Variants in SCYL1 observed in about 807,000 individuals in gnomAD.
The protein encoded by SCYL1 is N-terminal kinase-like protein.
In SCYL1, 85 loss-of-function variants were observed where a neutral mutation model predicts 94.8. The observed-to-expected ratio is 0.90, with a 90% CI of 0.75 to 1.07. The LOEUF is 1.07. Among genes scored for constraint, SCYL1 ranks in the 50% least tolerant of loss-of-function variants. The pLI, the probability that SCYL1 is intolerant of heterozygous loss-of-function variation, is 0.00. For missense variants in SCYL1, 968 were observed against 1,083.3 expected (o/e 0.89, Z 1.49); for synonymous variants, 459 against 435.5 (o/e 1.05, Z -0.67).
chr11:65,525,345 C>T, intron 1 of SCYL1, 81 bp downstream of exon 1: 4 of 1,171,814 alleles, frequency 3.4e-6, no homozygotes, highest in Non-Finnish European at 4.6e-6. Flanking sequence ...GCGTTGCGCC[C>T]GGCCTGACGT....
At chr11:65,536,488 A>G in intron 12 of SCYL1, 98 bp from the exon 13 acceptor site, 4 of 1,466,246 alleles carry the variant, frequency 2.7e-6, no homozygotes, top group Non-Finnish European at 3.8e-6. Flanking sequence ...GCCTGGAGAA[A>G]GGAGGGGTGG....
Position 65,537,888 on chromosome 11 carries a change from G to A in SCYL1, c.2031+8G>A. On this transcript the variant is annotated splice_region_variant and intron_variant, in intron 15 of 17. Transcript: ENST00000270176. ...GTGAGCCGTGCTAGTCAGGTGAGCT[G>A]GGTCTGGTGGGGAGGTGTGTGTATG... The A allele has an allele frequency of 6.3e-7, 1 of 1,578,100 alleles. No homozygotes were observed. Among genetic ancestry groups the A allele is most frequent in the South Asian group, 1.2e-5 (1 of 86,252 alleles).
Position 65,536,251 on chromosome 11 carries a change from C to A in SCYL1, c.1576-8C>A, listed in dbSNP as rs745775906. 6.2e-7 allele frequency: 1 copy of A among 1,613,458 alleles called. No homozygotes were observed. Among genetic ancestry groups the A allele is most frequent in the South Asian group, 1.1e-5 (1 of 91,068 alleles). ...CAGAGACCCCAGCTCTGCCTCGTTA[C>A]CCCACAGGCCTTCAAGGCCATTCGG... On this transcript the variant is annotated splice_region_variant and splice_polypyrimidine_tract_variant and intron_variant, in intron 11 of 17. Transcript: ENST00000270176.
At chr11:65,534,179 C>T (rs567532805) in intron 9 of SCYL1, among the ~76,000 whole-genome samples, 71 of 148,824 alleles carry the variant, frequency 4.8e-4, no homozygotes, top group African/African-American at 1.7e-3. Context: ...TGCAGTGAGC[C>T]GATATCGCGC....
intron 8 of SCYL1, 136 bp downstream of exon 8, chr11:65,531,819 G>A: frequency 1.5e-6 from 1 of 658,316 alleles, no homozygotes; most frequent in South Asian, 1.7e-5. Context: ...GACCCAATGA[G>A]GCCAGGCTCT....
In SCYL1 at chr11:65,527,095, A is replaced by T. The variant is rs562713747; in HGVS notation, c.827A>T (p.Asn276Ile). ...GFMSNRFVET[N>I]LFLEEIQIKE... is the part of the protein sequence containing the mutation. ...ATGAGCAACCGCTTTGTAGAAACCA[A>T]CCTCTTCCTGGAGGAGATTCAGGTG... Residue 276 changes from asparagine (N) to isoleucine (I), a missense_variant, in exon 6 of 18, where the codon AAC becomes ATC. By Grantham distance (149) the Asn-to-Ile change is moderately radical. Transcript: ENST00000270176. 6.2e-7 allele frequency: 1 copy of T among 1,613,244 alleles called. No individual in the cohort carries two copies. The highest frequency in any genetic ancestry group is 2.2e-5 in the East Asian group (1 of 44,880).
intron 12 of SCYL1, 24 bp downstream of exon 12, chr11:65,536,358 CCT>C: frequency 1.9e-6 from 3 of 1,610,430 alleles, no homozygotes; most frequent in Non-Finnish European, 2.5e-6. Context: ...ACTCGTGTTC[CCT>C]CTTTCCCTGC....
chr11:65,530,614 T>C lies in SCYL1; in HGVS notation c.850-15T>C, dbSNP rs764402446. 3 of 1,608,730 alleles carry C rather than the reference T, an allele frequency of 1.9e-6. No individual in the cohort carries two copies. In the East Asian group the frequency reaches 6.7e-5, roughly 36 times the overall value. On this transcript the variant is annotated splice_polypyrimidine_tract_variant and intron_variant, in intron 6 of 17. Transcript: ENST00000270176. ...AGGCTGATCTCTTCCCCGGGTCCCGTCCTCACTCCCCCAGATCAAAGAGCC... is the reference window on the plus strand; with the variant it reads ...AGGCTGATCTCTTCCCCGGGTCCCGCCCTCACTCCCCCAGATCAAAGAGCC...
chr11:65,531,732 T>A, intron 8 of SCYL1, 49 bp downstream of exon 8: 6 of 1,442,880 alleles, frequency 4.2e-6, no homozygotes, highest in Non-Finnish European at 5.8e-6. Context: ...GACCCCAACC[T>A]GGTGGCTGGG....
At chr11:65,531,771 C>T in intron 8 of SCYL1, 88 bp downstream of exon 8, 3 of 887,738 alleles carry the variant, frequency 3.4e-6, no homozygotes, top group South Asian at 2.7e-5. Flanking sequence ...GCACAGGGAC[C>T]CCAGAAACCC....
chr11:65,532,825 G>C lies in SCYL1; in HGVS notation c.1230+20G>C. On this transcript the variant is annotated intron_variant, in intron 9 of 17. Transcript: ENST00000270176. ...GTCAAGGTGGGTGTGGCCAGGCCCA[G>C]AGTGGCTACCCCTGGTTTTCCAAGG... The C allele has an allele frequency of 6.3e-7, 1 of 1,591,502 alleles. No homozygotes were observed. Among genetic ancestry groups the C allele is most frequent in the Non-Finnish European group, 8.6e-7 (1 of 1,159,526 alleles).
At position 65,532,447 on chromosome 11, in the gene SCYL1, T is replaced by A. The variant is rs11227215; in HGVS notation, c.1117-245T>A. ...CTCAGAAAAAAAAAAAAAAAAAAAATAGAAGAGGCTCTGAGAGGGTGGCCA... is the reference window on the plus strand; with the variant it reads ...CTCAGAAAAAAAAAAAAAAAAAAAAAAGAAGAGGCTCTGAGAGGGTGGCCA... On this transcript the variant is annotated intron_variant, in intron 8 of 17. Coordinates refer to ENST00000270176, the MANE Select transcript of SCYL1 (RefSeq NM_020680.4). 1.6e-3 allele frequency among the ~76,000 whole-genome samples: 197 copies of A among 119,398 alleles called. 1 individual carries two copies. The highest frequency in any genetic ancestry group is 4.7e-3 in the Middle Eastern group (1 of 212). The allele number at this position is 119,398 out of a possible 152,430, so 78.3% of individuals were successfully genotyped here. A position where few individuals can be genotyped will look rare whatever the true frequency, so the allele number is the denominator to read the frequency against.
chr11:65,535,871 C>T lies in SCYL1; in HGVS notation c.1387-82C>T, dbSNP rs534748330. The T allele has an allele frequency of 9.5e-6, 13 of 1,366,200 alleles. No individual in the cohort carries two copies. The South Asian group carries it at 1.7e-4, about 18-fold the overall frequency. 84.6% of individuals were successfully genotyped at this position (1,366,200 alleles called of 1,614,324 possible). ...GATTCTGGGGACCTATGGGTGGTCCCATTCTGGGAAGTAAGGGCTGGTGGT... is the reference window on the plus strand; with the variant it reads ...GATTCTGGGGACCTATGGGTGGTCCTATTCTGGGAAGTAAGGGCTGGTGGT... On this transcript the variant is annotated intron_variant, in intron 10 of 17. Transcript: ENST00000270176.
chr11:65,535,108 G>C lies in SCYL1; in HGVS notation c.1231-119G>C, dbSNP rs530273307. Reference sequence around the variant, plus strand: ...CTGGACAGGGCCAGGCCCAGGCTGGGAGGTGGCCTTGCAGGCTTTGATGGG... The same window carrying C: ...CTGGACAGGGCCAGGCCCAGGCTGGCAGGTGGCCTTGCAGGCTTTGATGGG... On this transcript the variant is annotated intron_variant, in intron 9 of 17. Coordinates refer to ENST00000270176, the MANE Select transcript of SCYL1 (RefSeq NM_020680.4). 197 of 1,304,974 alleles carry C rather than the reference G, an allele frequency of 1.5e-4. No homozygotes were observed. In the African/African-American group the frequency reaches 2.7e-3, roughly 18 times the overall value. 80.8% of individuals were successfully genotyped at this position (1,304,974 alleles called of 1,614,324 possible). A position where few individuals can be genotyped will look rare whatever the true frequency, so the allele number is the denominator to read the frequency against.
Position 65,530,001 on chromosome 11 carries a change from T to A in SCYL1, c.850-628T>A, listed in dbSNP as rs987577170. On this transcript the variant is annotated intron_variant, in intron 6 of 17. Coordinates refer to ENST00000270176, the MANE Select transcript of SCYL1 (RefSeq NM_020680.4). ...GCACATAATCTGTGCTCCAGAAATA[T>A]GAATTGGGGGTATTATGGCCTCAAA... Among the ~76,000 whole-genome samples the A allele has an allele frequency of 2.0e-5, 3 of 152,050 alleles. No individual in the cohort carries two copies. The East Asian group carries it at 5.8e-4, about 29-fold the overall frequency.
chr11:65,525,856 A>T, intron 2 of SCYL1, 65 bp from the exon 3 acceptor site: 1 of 1,587,374 alleles, frequency 6.3e-7, no homozygotes, highest in Non-Finnish European at 8.6e-7. Flanking sequence ...TCCCAACTTC[A>T]AGTCGCTTAT....
At chr11:65,529,156 C>T (rs1471090380) in intron 6 of SCYL1, among the ~76,000 whole-genome samples, 2 of 152,140 alleles carry the variant, frequency 1.3e-5, no homozygotes, top group Non-Finnish European at 2.9e-5. Context: ...CTCCACAGAC[C>T]CTGACCCAGC....
intron 14 of SCYL1, among the ~76,000 whole-genome samples, chr11:65,537,581 C>T (rs1481113985): frequency 2.0e-5 from 3 of 152,070 alleles, no homozygotes; most frequent in African/African-American, 4.8e-5. Flanking sequence ...CAGTTTCTGG[C>T]CCTCAAGGCT....
intron 6 of SCYL1, among the ~76,000 whole-genome samples, chr11:65,530,084 C>T (rs532891833): frequency 3.9e-5 from 6 of 152,206 alleles, no homozygotes; most frequent in Admixed American, 3.9e-4. Context: ...CATTTTGGCT[C>T]AGTGGGAGGA....
Sources: allele counts gnomAD v4.1 joint callset (sites outside exome capture counted in the v4.1 genomes callset), GRCh38; gene constraint gnomAD v4.1.1; transcripts MANE v1.5; gene names NCBI Gene and HGNC (gene_info 2026-07-23, HGNC 2026-07-21).